The following ANKRD31 variants were observed in gnomAD, a reference collection of about 807,000 sequenced individuals.
ANKRD31 encodes the protein ankyrin repeat domain-containing protein 31.
Under a neutral mutation model 186.0 loss-of-function variants are expected in ANKRD31, and 147 were observed. The observed-to-expected ratio is 0.79, with a 90% CI of 0.69 to 0.91. The LOEUF (loss-of-function observed/expected upper bound fraction) is 0.91, where lower values mean the gene tolerates loss of function less well. Ranked by LOEUF, ANKRD31 falls within the 40% of genes least tolerant of loss-of-function variation. The probability of loss-of-function intolerance (pLI) is 0.00; values close to 1 mark genes in which losing one functional copy is unlikely to be tolerated. For synonymous variants in ANKRD31, 673 were observed against 736.4 expected (o/e 0.91, Z 1.39); for missense variants, 1,986 against 2,148.8 (o/e 0.92, Z 1.50).
chr5:75,195,879 C>A lies in ANKRD31; in HGVS notation c.769G>T (p.Asp257Tyr). 1 of 1,500,746 alleles carries A rather than the reference C, an allele frequency of 6.7e-7. No individual in the cohort carries two copies. Among genetic ancestry groups the A allele is most frequent in the South Asian group, 1.2e-5 (1 of 82,634 alleles). The allele number at this position is 1,500,746 out of a possible 1,614,324, so 93.0% of individuals were successfully genotyped here. A position where few individuals can be genotyped will look rare whatever the true frequency, so the allele number is the denominator to read the frequency against. The change falls in exon 7 of 26, where the codon GAC becomes TAC. Residue 257 changes from aspartate (D) to tyrosine (Y), a missense_variant. By Grantham distance (160) the Asp-to-Tyr change is radical. Coordinates refer to ENST00000506364, the MANE Select transcript of ANKRD31 (RefSeq NM_001372053.1). The part of the protein sequence containing the change: ...DRKELMNPLS[D>Y]SLSSISIPLN... Reference sequence around the variant, plus strand: ...GGTATTGATATGGAACTAAGAGAGTCACTCAATGGGTTCATCAATTCTTTA... The same window carrying A: ...GGTATTGATATGGAACTAAGAGAGTAACTCAATGGGTTCATCAATTCTTTA...
At chr5:75,195,451 G>T (rs955157735) in intron 7 of ANKRD31, among the ~76,000 whole-genome samples, 180 bp downstream of exon 7, 1 of 151,790 alleles carries the variant, frequency 6.6e-6, no homozygotes, top group South Asian at 2.1e-4. Context: ...GTATCTTCTC[G>T]GTGTTGATAT....
chr5:75,095,319 A>G (rs1411444199), intron 22 of ANKRD31, among the ~76,000 whole-genome samples: 1 of 152,020 alleles, frequency 6.6e-6, no homozygotes, highest in Non-Finnish European at 1.5e-5. Context: ...AATACAAAAA[A>G]AAAAATTATC....
chr5:75,193,206 C>T (rs922750463), intron 8 of ANKRD31, 105 bp downstream of exon 8: 2 of 1,264,638 alleles, frequency 1.6e-6, no homozygotes, highest in Non-Finnish European at 2.1e-6. Context: ...AAATAAAGCT[C>T]TTTCCCCTGT....
At position 75,146,413 on chromosome 5, in the gene ANKRD31, G is replaced by T. The variant is rs754174404; in HGVS notation, c.2998C>A (p.His1000Asn). 1.9e-5 allele frequency: 29 copies of T among 1,536,350 alleles called. No homozygotes were observed. Among genetic ancestry groups the T allele is most frequent in the African/African-American group, 8.2e-5 (6 of 72,956 alleles). Residue 1000 changes from histidine (H) to asparagine (N), a missense_variant, in exon 14 of 26, where the codon CAC becomes AAC. Transcript: ENST00000506364. ...TTTTGCTCAGGATTGCCATTTGAGT[G>T]ATCAAAAGAAGGTCCAAATATGCAT... ...EQCIFGPSFD[H>N]SNGNPEQNSL... is the part of the protein sequence containing the mutation.
chr5:75,107,995 C>T (rs755304985), intron 20 of ANKRD31, among the ~76,000 whole-genome samples: 1 of 151,804 alleles, frequency 6.6e-6, no homozygotes, highest in African/African-American at 2.4e-5. Context: ...AATACATTAA[C>T]ATTGTAAAAT....
At position 75,137,965 on chromosome 5, in the gene ANKRD31, C is replaced by T. The variant is rs1386104576; in HGVS notation, c.3767G>A (p.Gly1256Glu). 1 of 1,524,298 alleles carries T rather than the reference C, an allele frequency of 6.6e-7. No homozygotes were observed. 94.4% of individuals were successfully genotyped at this position (1,524,298 alleles called of 1,614,324 possible). Residue 1256 changes from glycine to glutamate, a missense_variant, in exon 17 of 26, where the codon GGA becomes GAA. Gly to Glu is a moderately conservative substitution (Grantham distance 98). Coordinates refer to ENST00000506364, the MANE Select transcript of ANKRD31 (RefSeq NM_001372053.1). Reference protein sequence around the residue: ...WTPLHEASNEGSIDIIVELLK... With the variant: ...WTPLHEASNEESIDIIVELLK... ...TAACTCTACAATTATATCAATAGAT[C>T]CTTCATTAGATGCCTCATGAAGTGG...
At chr5:75,192,517 G>T in intron 9 of ANKRD31, 150 bp downstream of exon 9, 1 of 609,870 alleles carries the variant, frequency 1.6e-6, no homozygotes, top group Non-Finnish European at 2.8e-6. Flanking sequence ...CTAATAATGA[G>T]CTGTATGGTT....
In ANKRD31 at chr5:75,193,308, T is replaced by C; in HGVS notation, c.1298+3A>G. 6.5e-7 allele frequency: 1 copy of C among 1,534,956 alleles called. No individual in the cohort carries two copies. The highest frequency in any genetic ancestry group is 1.8e-4 in the Middle Eastern group (1 of 5,462). On this transcript the variant is annotated splice_donor_region_variant and intron_variant, in intron 8 of 25. Coordinates refer to ENST00000506364, the MANE Select transcript of ANKRD31 (RefSeq NM_001372053.1). ...GAGATAAAGACATAATTTCATTGCA[T>C]ACCTGAAATTCTGAGCTGAAGAGTT...
At chr5:75,220,274 T>A (rs966647495) in intron 3 of ANKRD31, among the ~76,000 whole-genome samples, 1 of 152,156 alleles carries the variant, frequency 6.6e-6, no homozygotes, top group Admixed American at 6.5e-5. Context: ...AAATTATACA[T>A]CTGACAAAGG....
intron 5 of ANKRD31, among the ~76,000 whole-genome samples, chr5:75,200,915 A>AAC (rs993854694): frequency 6.6e-6 from 1 of 151,804 alleles, no homozygotes; most frequent in African/African-American, 2.4e-5. Context: ...TCGCCTCAAA[A>AAC]AAAAAAAAGA....
intron 11 of ANKRD31, among the ~76,000 whole-genome samples, chr5:75,168,690 C>A (rs1483280284): frequency 6.6e-6 from 1 of 151,324 alleles, no homozygotes; most frequent in Non-Finnish European, 1.5e-5. Flanking sequence ...TTCTTCTAAA[C>A]CCTATAAAGC....
chr5:75,188,009 G>A (rs1367574176), intron 10 of ANKRD31, among the ~76,000 whole-genome samples: 2 of 152,082 alleles, frequency 1.3e-5, no homozygotes, highest in African/African-American at 4.8e-5. Context: ...CAGCCTTGCA[G>A]AAATACTGCA....
chr5:75,104,759 A>G lies in ANKRD31; in HGVS notation c.4800T>C (p.Asn1600=). 2 of 1,537,234 alleles carry G rather than the reference A, an allele frequency of 1.3e-6. No homozygotes were observed. The highest frequency in any genetic ancestry group is 8.7e-7 in the Non-Finnish European group (1 of 1,146,896). Residue 1600 remains asparagine, a synonymous_variant, in exon 22 of 26, where the codon AAT becomes AAC. Coordinates refer to ENST00000506364, the MANE Select transcript of ANKRD31 (RefSeq NM_001372053.1). ...AAGCAACAGGTTGGGATGGTAATTT[A>G]TTCTTCTCTGTGCCATCTGAATGTC... ...KSRHSDGTEK[N]KLPSQPVAFI...
chr5:75,187,022 A>AGTGTGTGTGTGT (rs10624220), intron 10 of ANKRD31, among the ~76,000 whole-genome samples: 29 of 142,720 alleles, frequency 2.0e-4, no homozygotes, highest in Admixed American at 4.2e-4. Flanking sequence ...TGAGACACAG[A>AGTGTGTGTGTGT]GTGTGTGTGT....
At chr5:75,166,844 C>A (rs370268580) in intron 11 of ANKRD31, among the ~76,000 whole-genome samples, 23 of 152,304 alleles carry the variant, frequency 1.5e-4, no homozygotes, top group South Asian at 2.1e-4. Context: ...TTCTAAGGAA[C>A]AACATTGAGC....
At chr5:75,102,553 G>C (rs1201275731) in intron 22 of ANKRD31, among the ~76,000 whole-genome samples, 1 of 152,202 alleles carries the variant, frequency 6.6e-6, no homozygotes, top group African/African-American at 2.4e-5. Flanking sequence ...AGGCATGAAG[G>C]CCTCCTTGAG....
In ANKRD31 at chr5:75,147,479, G is replaced by A. The variant is rs1416661294; in HGVS notation, c.1932C>T (p.His644=). 2 of 1,468,968 alleles carry A rather than the reference G, an allele frequency of 1.4e-6. No homozygotes were observed. The highest frequency in any genetic ancestry group is 2.5e-5 in the East Asian group (1 of 40,356). 91.0% of individuals were successfully genotyped at this position (1,468,968 alleles called of 1,614,324 possible). A position where few individuals can be genotyped will look rare whatever the true frequency, so the allele number is the denominator to read the frequency against. ...AATTTTCATTATAAACATGCCAAAT[G>A]TGACTTTTAGAACTGAACTTTGGTT... ...HKKPKFSSKS[H]IWHVYNENSN... is the part of the protein sequence containing the mutation. The change falls in exon 14 of 26, where the codon CAC becomes CAT. Residue 644 remains histidine, a synonymous_variant. Transcript: ENST00000506364.
At chr5:75,182,500 C>G (rs767790454) in intron 10 of ANKRD31, among the ~76,000 whole-genome samples, 12 of 152,030 alleles carry the variant, frequency 7.9e-5, no homozygotes, top group Non-Finnish European at 1.6e-4. Context: ...AGGCAGATCA[C>G]CTGAAGTCAG....
Position 75,137,929 on chromosome 5 carries a change from C to A in ANKRD31, c.3803G>T (p.Gly1268Val). 6.5e-7 allele frequency: 1 copy of A among 1,533,786 alleles called. No individual in the cohort carries two copies. The highest frequency in any genetic ancestry group is 8.7e-7 in the Non-Finnish European group (1 of 1,145,266). ...IDIIVELLKA[G>V]AKVNCENIDG... ...TATATTTTCACAATTAACCTTAGCA[C>A]CAGCTTTTAATAACTCTACAATTAT... is the stretch of plus-strand genomic sequence containing the variant. The change falls in exon 17 of 26, where the codon GGT (glycine) becomes GTT (valine). Residue 1268 changes from glycine to valine, a missense_variant. Transcript: ENST00000506364.
Sources: allele counts gnomAD v4.1 joint callset (sites outside exome capture counted in the v4.1 genomes callset), GRCh38; gene constraint gnomAD v4.1.1; transcripts MANE v1.5; gene names NCBI Gene and HGNC (gene_info 2026-07-23, HGNC 2026-07-21).